NKD2: variants seen among roughly 807,000 people sequenced by gnomAD.
NKD2 encodes the protein protein naked cuticle homolog 2.
Under a neutral mutation model 34.8 loss-of-function variants are expected in NKD2, and 43 were observed. The observed-to-expected ratio is 1.24, with a 90% CI of 0.97 to 1.60. NKD2 has a LOEUF of 1.60. Among genes scored for constraint, NKD2 ranks in the 40% most tolerant of loss-of-function variants. The pLI, the probability that NKD2 is intolerant of heterozygous loss-of-function variation, is 0.00. For missense variants in NKD2, 675 were observed against 627.1 expected (o/e 1.08, Z -0.82); for synonymous variants, 278 against 265.1 (o/e 1.05, Z -0.47).
intron 3 of NKD2, among the ~76,000 whole-genome samples, chr5:1,020,386 A>G (rs1161895715): frequency 6.6e-6 from 1 of 152,156 alleles, no homozygotes; most frequent in Non-Finnish European, 1.5e-5. Flanking sequence ...TTAATACCTG[A>G]GCTGAAGACA....
rs1443272693 is a variant in NKD2, at chr5:1,009,575, G to A, written c.141+15G>A. On this transcript the variant is annotated intron_variant, in intron 3 of 9. Transcript: ENST00000296849. This position sits in a 1 kb window ranked among gnomAD's most constrained non-coding sequence, Gnocchi z 6.9. ...GGGACAAGCAGGTAGGCGGCGGGGC[G>A]GAGGCTGGGGTCGCGCTGCGCACCC... 4 of 1,463,794 alleles carry A rather than the reference G, an allele frequency of 2.7e-6. No homozygotes were observed. The highest frequency in any genetic ancestry group is 2.9e-5 in the East Asian group (1 of 34,572). 90.7% of individuals were successfully genotyped at this position (1,463,794 alleles called of 1,614,324 possible).
At chr5:1,021,295 C>T (rs1756164750) in intron 3 of NKD2, among the ~76,000 whole-genome samples, 1 of 151,548 alleles carries the variant, frequency 6.6e-6, no homozygotes, top group Non-Finnish European at 1.5e-5. Context: ...AAGCCCGGCT[C>T]CCCTGCCCGG....
intron 3 of NKD2, among the ~76,000 whole-genome samples, chr5:1,019,096 C>T (rs1409540609): frequency 2.6e-5 from 4 of 152,184 alleles, no homozygotes; most frequent in Admixed American, 2.6e-4. Flanking sequence ...GTGATTGCCT[C>T]TAGCTCTAGT....
At chr5:1,019,267 A>G (rs190200809) in intron 3 of NKD2, among the ~76,000 whole-genome samples, 1 of 152,290 alleles carries the variant, frequency 6.6e-6, no homozygotes, top group African/African-American at 2.4e-5. Context: ...AGAACCCTGC[A>G]GCCTCCAGGC....
chr5:1,011,245 A>G (rs1214150645), intron 3 of NKD2, among the ~76,000 whole-genome samples: 1 of 152,082 alleles, frequency 6.6e-6, no homozygotes. Flanking sequence ...GCCTTTCTGT[A>G]TTTTCCGCCT....
chr5:1,028,461 C>T (rs1756512331), intron 3 of NKD2, among the ~76,000 whole-genome samples: 1 of 152,198 alleles, frequency 6.6e-6, no homozygotes. Context: ...GCTGCTCAGG[C>T]AGATGCGGCT....
intron 3 of NKD2, among the ~76,000 whole-genome samples, chr5:1,026,112 T>A (rs368403794): frequency 1.6e-5 from 1 of 63,182 alleles, no homozygotes; most frequent in Admixed American, 1.7e-4. Context: ...CTTCCCACCC[T>A]CTGTGGGTGC....
chr5:1,036,204 G>A, intron 8 of NKD2, 53 bp from the exon 9 acceptor site: 1 of 1,473,436 alleles, frequency 6.8e-7, no homozygotes. Context: ...CGTCATCAGG[G>A]GTGCGCCACC....
chr5:1,035,319 T>A, intron 7 of NKD2, 70 bp from the exon 8 acceptor site: 2 of 1,184,208 alleles, frequency 1.7e-6, no homozygotes, highest in Non-Finnish European at 2.4e-6. Flanking sequence ...AGTTAATGAA[T>A]GAGTGAATGA....
At chr5:1,020,947 T>G (rs1313172946) in intron 3 of NKD2, among the ~76,000 whole-genome samples, 1 of 152,068 alleles carries the variant, frequency 6.6e-6, no homozygotes, top group Non-Finnish European at 1.5e-5. Flanking sequence ...AGCCCTGTAG[T>G]GAGGGAGTGA....
intron 5 of NKD2, 81 bp from the exon 6 acceptor site, chr5:1,034,154 C>A: frequency 9.8e-7 from 1 of 1,025,258 alleles, no homozygotes; most frequent in Non-Finnish European, 1.5e-6. Flanking sequence ...GGGAAAGGCC[C>A]CAGAAGATCC....
At chr5:1,030,260 G>A (rs770285683) in intron 3 of NKD2, among the ~76,000 whole-genome samples, 4 of 151,786 alleles carry the variant, frequency 2.6e-5, no homozygotes, top group East Asian at 3.9e-4. Context: ...CAGTGCCTGC[G>A]TCCCTCAGCC....
intron 3 of NKD2, among the ~76,000 whole-genome samples, chr5:1,027,326 G>C (rs923323023): frequency 2.0e-5 from 3 of 152,264 alleles, no homozygotes; most frequent in Non-Finnish European, 4.4e-5. Context: ...CTGTAGGAGA[G>C]GCCCGTCCTG....
intron 3 of NKD2, among the ~76,000 whole-genome samples, chr5:1,011,889 C>T (rs1755765805): frequency 6.6e-6 from 1 of 152,218 alleles, no homozygotes; most frequent in Non-Finnish European, 1.5e-5. Flanking sequence ...TTGGCGGGAC[C>T]CGCACGGCTT....
chr5:1,037,611 C>T (rs938662801), intron 9 of NKD2, 194 bp from the exon 10 acceptor site: 2 of 1,535,822 alleles, frequency 1.3e-6, no homozygotes, highest in Non-Finnish European at 1.7e-6. Flanking sequence ...AGCTGTGGAG[C>T]CAGGCAGGTC....
intron 5 of NKD2, among the ~76,000 whole-genome samples, chr5:1,033,856 GT>G (rs1028562602): frequency 1.3e-5 from 2 of 152,230 alleles, no homozygotes; most frequent in Non-Finnish European, 2.9e-5. Flanking sequence ...CAGGGCTTCC[GT>G]TTCCCGGGAG....
intron 9 of NKD2, chr5:1,037,392 T>C: frequency 1.2e-6 from 1 of 846,688 alleles, no homozygotes; most frequent in South Asian, 1.7e-5. Flanking sequence ...GGGCTCGCAC[T>C]GCACGTTGTG....
rs1021286292 is a variant in NKD2, at chr5:1,038,553, G to A, written c.*180G>A. 5.4e-6 allele frequency: 7 copies of A among 1,308,348 alleles called. No homozygotes were observed. The highest frequency in any genetic ancestry group is 7.4e-6 in the Non-Finnish European group (7 of 941,158). 81.0% of individuals were successfully genotyped at this position (1,308,348 alleles called of 1,614,324 possible). On this transcript the variant is annotated 3_prime_UTR_variant, in exon 10 of 10. Transcript: ENST00000296849. The surrounding 1 kb of genome is among the most constrained non-coding windows in gnomAD (Gnocchi z 4.5). ...TGGAGGTGGTGCACCTTGGACACGT[G>A]GACAAGGCCCAGGCGCCCTCTGCTC...
chr5:1,022,145 G>C (rs1374382705), intron 3 of NKD2, among the ~76,000 whole-genome samples: 1 of 151,660 alleles, frequency 6.6e-6, no homozygotes, highest in Non-Finnish European at 1.5e-5. Context: ...CAGTGGCGCT[G>C]TCCCTGTCCC....
Sources: allele counts gnomAD v4.1 joint callset (sites outside exome capture counted in the v4.1 genomes callset), GRCh38; gene constraint gnomAD v4.1.1; non-coding constraint Gnocchi (gnomAD v3.1); transcripts MANE v1.5; gene names NCBI Gene and HGNC (gene_info 2026-07-23, HGNC 2026-07-21).